RGS6: variants seen among roughly 807,000 people sequenced by gnomAD.
The protein encoded by RGS6 is regulator of G-protein signaling 6.
A neutral mutation model predicts 78.5 loss-of-function variants in RGS6; 30 were observed. The observed-to-expected ratio is 0.38, with a 90% CI of 0.29 to 0.52. RGS6 has a LOEUF of 0.52. Among genes scored for constraint, RGS6 ranks in the 20% least tolerant of loss-of-function variants. RGS6 has a pLI of 0.85. For missense variants in RGS6, 495 were observed against 609.7 expected (o/e 0.81, Z 1.98); for synonymous variants, 206 against 206.0 (o/e 1.00, Z 0.00).
At chr14:72,216,689 TAATG>T (rs1266831969) in intron 2 of RGS6, among the ~76,000 whole-genome samples, 2 of 152,152 alleles carry the variant, frequency 1.3e-5, no homozygotes, top group African/African-American at 2.4e-5. Context: ...TCTGGCGAAA[TAATG>T]AACCTGTAGA....
chr14:72,017,508 T>C (rs1228633740), intron 2 of RGS6, among the ~76,000 whole-genome samples: 2 of 152,234 alleles, frequency 1.3e-5, no homozygotes, highest in East Asian at 1.9e-4. Context: ...GCCACATCCA[T>C]GTTGTCTGTG....
Position 72,401,409 on chromosome 14 carries a change from G to T in RGS6, c.184+49215G>T, listed in dbSNP as rs573698271. Among the ~76,000 whole-genome samples, 114 of 152,028 alleles carry T rather than the reference G, an allele frequency of 7.5e-4. 1 individual carries two copies. The highest frequency in any genetic ancestry group is 2.6e-3 in the African/African-American group (108 of 41,470). On this transcript the variant is annotated intron_variant, in intron 3 of 17. Coordinates refer to ENST00000553525, the MANE Select transcript of RGS6 (RefSeq NM_001204424.2). Reference sequence around the variant, plus strand: ...GGGTGAGTGGTTCACAAGCCTCACTGTTGTGACACACTCCGTCATTTGTGA... The same window carrying T: ...GGGTGAGTGGTTCACAAGCCTCACTTTTGTGACACACTCCGTCATTTGTGA...
chr14:71,952,453 CT>C (rs1336335006), intron 1 of RGS6, among the ~76,000 whole-genome samples: 1 of 151,848 alleles, frequency 6.6e-6, no homozygotes, highest in East Asian at 1.9e-4. Flanking sequence ...GGGAGCTCTT[CT>C]TTTTATACCA....
At chr14:72,148,470 G>A (rs1357545492) in intron 2 of RGS6, among the ~76,000 whole-genome samples, 1 of 152,170 alleles carries the variant, frequency 6.6e-6, no homozygotes, top group East Asian at 1.9e-4. Flanking sequence ...AACATGAAGG[G>A]AACACATTTG....
intron 3 of RGS6, among the ~76,000 whole-genome samples, chr14:72,357,873 A>G (rs921369747): frequency 1.3e-5 from 2 of 152,202 alleles, no homozygotes; most frequent in African/African-American, 4.8e-5. Flanking sequence ...AGGGCATGTC[A>G]CAGACCTTCA....
intron 2 of RGS6, among the ~76,000 whole-genome samples, chr14:71,985,042 A>G (rs908278676): frequency 6.6e-6 from 1 of 152,212 alleles, no homozygotes; most frequent in Non-Finnish European, 1.5e-5. Flanking sequence ...ATCATAGTGT[A>G]TGTGCTATTT....
the RGS6 span, among the ~76,000 whole-genome samples, chr14:72,601,068 G>A: frequency 7.3e-5 from 11 of 150,268 alleles, no homozygotes; most frequent in Non-Finnish European, 4.5e-5. Flanking sequence ...GGAGGAGGGG[G>A]AGGAGGAGGA....
intron 2 of RGS6, among the ~76,000 whole-genome samples, chr14:72,264,987 G>C (rs2058793307): frequency 6.6e-6 from 1 of 152,178 alleles, no homozygotes; most frequent in African/African-American, 2.4e-5. Flanking sequence ...CCAGGAGGGA[G>C]TTGGAGGAGG....
chr14:72,540,756 G>A (rs578182363), intron 17 of RGS6: 88 of 985,188 alleles, frequency 8.9e-5, no homozygotes, highest in Admixed American at 6.8e-4. Flanking sequence ...GGTACTCCCC[G>A]GGGGCAAGGT....
At chr14:72,553,960 C>T (rs577410595) in intron 17 of RGS6, among the ~76,000 whole-genome samples, 3 of 152,348 alleles carry the variant, frequency 2.0e-5, no homozygotes, top group African/African-American at 4.8e-5. Context: ...AAATAAGGTT[C>T]TCTGTAGCTA....
chr14:71,882,865 C>T, the RGS6 span, among the ~76,000 whole-genome samples: 7 of 152,172 alleles, frequency 4.6e-5, no homozygotes, highest in African/African-American at 1.4e-4. Context: ...GTGCTTATCC[C>T]TTCACCTACC....
the RGS6 span, among the ~76,000 whole-genome samples, chr14:72,613,992 G>C: frequency 6.6e-6 from 1 of 151,966 alleles, no homozygotes; most frequent in East Asian, 1.9e-4. Context: ...CCCACTCTCA[G>C]CTGTCCACTC....
chr14:72,215,576 T>C (rs1301973525), intron 2 of RGS6, among the ~76,000 whole-genome samples: 1 of 152,174 alleles, frequency 6.6e-6, no homozygotes, highest in African/African-American at 2.4e-5. Context: ...CCCGTTTCCA[T>C]TGGCTGGAAC....
intron 2 of RGS6, among the ~76,000 whole-genome samples, chr14:72,324,246 A>T (rs188311589): frequency 6.6e-6 from 1 of 152,360 alleles, no homozygotes; most frequent in South Asian, 2.1e-4. Context: ...AAATCAGTCT[A>T]TTCAAAAATG....
chr14:72,539,598 C>T (rs560072056), intron 16 of RGS6, among the ~76,000 whole-genome samples: 2 of 152,212 alleles, frequency 1.3e-5, no homozygotes, highest in African/African-American at 2.4e-5. Context: ...TGCTGGCTCT[C>T]AGAGCCAGTC....
chr14:72,035,225 G>C (rs1043622332), intron 2 of RGS6, among the ~76,000 whole-genome samples: 1 of 152,018 alleles, frequency 6.6e-6, no homozygotes, highest in Non-Finnish European at 1.5e-5. Flanking sequence ...ATTCAGTCTT[G>C]GTAGATGGTA....
intron 2 of RGS6, among the ~76,000 whole-genome samples, chr14:72,120,313 A>G (rs1180719256): frequency 6.6e-6 from 1 of 152,218 alleles, no homozygotes; most frequent in Non-Finnish European, 1.5e-5. Context: ...GACATCTTAC[A>G]CAAATGCCCC....
chr14:72,557,695 A>G lies in RGS6; in HGVS notation c.1423-4722A>G, dbSNP rs182414360. 1.5e-3 allele frequency among the ~76,000 whole-genome samples: 227 copies of G among 152,356 alleles called. 2 individuals are homozygous for G. Among genetic ancestry groups the G allele is most frequent in the Non-Finnish European group, 7.2e-4 (49 of 68,034 alleles). Reference sequence around the variant, plus strand: ...CTGGGGCCTCCACTTCTTGCCTGCTAAGTTGCATGGTGAGCTGTATTCAAC... The same window carrying G: ...CTGGGGCCTCCACTTCTTGCCTGCTGAGTTGCATGGTGAGCTGTATTCAAC... On this transcript the variant is annotated intron_variant, in intron 17 of 17. Coordinates refer to ENST00000553525, the MANE Select transcript of RGS6 (RefSeq NM_001204424.2).
intron 2 of RGS6, among the ~76,000 whole-genome samples, chr14:72,179,661 C>A (rs2097149579): frequency 8.7e-6 from 1 of 115,354 alleles, no homozygotes; most frequent in South Asian, 3.3e-4. Flanking sequence ...CCACCCCCCA[C>A]CCCCTGTACT....
Sources: gnomAD v4.1 joint callset for allele counts (sites outside exome capture counted in the v4.1 genomes callset) on GRCh38, gnomAD v4.1.1 for gene constraint, MANE v1.5 for transcripts, NCBI Gene and HGNC (gene_info 2026-07-23, HGNC 2026-07-21) for gene names.